ALPK2: variants seen among roughly 807,000 people sequenced by gnomAD.
ALPK2 encodes the protein alpha-protein kinase 2.
In ALPK2, 127 loss-of-function variants were observed where a neutral mutation model predicts 163.1. That is an observed-to-expected ratio of 0.78 (90% confidence interval 0.67 to 0.90). The LOEUF is 0.90. Ranked by LOEUF, ALPK2 falls within the 40% of genes least tolerant of loss-of-function variation. The pLI, the probability that ALPK2 is intolerant of heterozygous loss-of-function variation, is 0.00. For synonymous variants in ALPK2, 953 were observed against 959.1 expected (o/e 0.99, Z 0.12); for missense variants, 2,360 against 2,589.6 (o/e 0.91, Z 1.92).
At chr18:58,532,800 A>G (rs1287996957) in intron 5 of ALPK2, among the ~76,000 whole-genome samples, 1 of 152,146 alleles carries the variant, frequency 6.6e-6, no homozygotes, top group Non-Finnish European at 1.5e-5. Flanking sequence ...CCCCCATTTT[A>G]CAGGTGGGGA....
chr18:58,574,492 C>T (rs2144192264), intron 4 of ALPK2, among the ~76,000 whole-genome samples: 1 of 150,462 alleles, frequency 6.6e-6, no homozygotes, highest in Middle Eastern at 3.5e-3. Context: ...GGGTCCCCAA[C>T]CCCCAGCCCC....
chr18:58,575,257 G>A (rs1251427809), intron 4 of ALPK2, among the ~76,000 whole-genome samples: 3 of 151,960 alleles, frequency 2.0e-5, no homozygotes, highest in African/African-American at 7.3e-5. Context: ...ACTATACTTG[G>A]CATTTACTCT....
chr18:58,542,154 G>A (rs1179043497), intron 4 of ALPK2, among the ~76,000 whole-genome samples: 1 of 152,206 alleles, frequency 6.6e-6, no homozygotes, highest in African/African-American at 2.4e-5. Context: ...CTAGCAACCA[G>A]CGTTTGTAGC....
intron 4 of ALPK2, among the ~76,000 whole-genome samples, chr18:58,545,574 G>A (rs1358979279): frequency 6.6e-6 from 1 of 152,180 alleles, no homozygotes; most frequent in Non-Finnish European, 1.5e-5. Context: ...AAGGAGAGAG[G>A]CCACAGTTCT....
intron 3 of ALPK2, among the ~76,000 whole-genome samples, chr18:58,597,587 A>C (rs1485333488): frequency 2.0e-5 from 3 of 152,192 alleles, no homozygotes; most frequent in African/African-American, 7.2e-5. Flanking sequence ...TCTACTTATG[A>C]TACTTAGTGT....
chr18:58,566,690 G>T (rs1223359825), intron 4 of ALPK2: 3 of 152,276 alleles, frequency 2.0e-5, no homozygotes, highest in African/African-American at 7.2e-5. Context: ...ACCTGTTTTG[G>T]ATTAGTTACA....
At chr18:58,626,514 C>T (rs2052231584) in intron 1 of ALPK2, among the ~76,000 whole-genome samples, 2 of 151,748 alleles carry the variant, frequency 1.3e-5, no homozygotes, top group Admixed American at 1.3e-4. Flanking sequence ...GGGCGTGTGC[C>T]TTCATTTTCA....
At chr18:58,484,639 G>A (rs2051329296) in intron 12 of ALPK2, among the ~76,000 whole-genome samples, 1 of 152,172 alleles carries the variant, frequency 6.6e-6, no homozygotes, top group African/African-American at 2.4e-5. Context: ...AGCTACTCAG[G>A]AGGCTGAGAC....
At chr18:58,569,655 CTG>C (rs1470622642) in intron 4 of ALPK2, among the ~76,000 whole-genome samples, 2 of 152,158 alleles carry the variant, frequency 1.3e-5, no homozygotes, top group Non-Finnish European at 2.9e-5. Flanking sequence ...AGGATAATAA[CTG>C]TAGTAAGCCA....
rs61636682 is a variant in ALPK2 at position 58,611,820 on chromosome 18, G to GA, written c.-20-4dup. 0.077 allele frequency: 75,384 copies of GA among 980,314 alleles called. 64 individuals are homozygous for GA. The highest frequency in any genetic ancestry group is 0.088 in the South Asian group (4,736 of 53,554). The allele number at this position is 980,314 out of a possible 1,614,324, so 60.7% of individuals were successfully genotyped here. A position where few individuals can be genotyped will look rare whatever the true frequency, so the allele number is the denominator to read the frequency against. ...CATCCTTTCATGCCGCACCAAATCT[G>GA]AAAAAAAAAAAAATCCCCGACATCA... On this transcript the variant is annotated splice_region_variant and splice_polypyrimidine_tract_variant and intron_variant, in intron 1 of 12. Transcript: ENST00000361673.
At chr18:58,502,336 C>T (rs1303210724) in intron 11 of ALPK2, among the ~76,000 whole-genome samples, 1 of 151,964 alleles carries the variant, frequency 6.6e-6, no homozygotes, top group African/African-American at 2.4e-5. Context: ...GCCTGGGTGA[C>T]AGAGTGACAC....
chr18:58,495,357 C>T (rs2051396305), intron 12 of ALPK2, among the ~76,000 whole-genome samples: 1 of 152,180 alleles, frequency 6.6e-6, no homozygotes, highest in African/African-American at 2.4e-5. Context: ...CCAGCTCCTG[C>T]TCCCTGGCCT....
chr18:58,590,106 A>C lies in ALPK2; in HGVS notation c.228-9558T>G, dbSNP rs147946241. ...TGTGGTGGCACGTGCCTGTAATCCC[A>C]GCTACTTGGGAGGCTGAGGCAGGAG... On this transcript the variant is annotated intron_variant, in intron 3 of 12. Transcript: ENST00000361673. 6.1e-3 allele frequency among the ~76,000 whole-genome samples: 934 copies of C among 151,974 alleles called. 14 individuals carry two copies. Among genetic ancestry groups the C allele is most frequent in the African/African-American group, 0.021 (882 of 41,428 alleles).
intron 12 of ALPK2, among the ~76,000 whole-genome samples, chr18:58,494,371 A>G (rs1308333716): frequency 1.3e-5 from 2 of 152,214 alleles, no homozygotes; most frequent in Admixed American, 1.3e-4. Context: ...TACTCCTGTT[A>G]AAAGGAACAT....
intron 3 of ALPK2, among the ~76,000 whole-genome samples, chr18:58,605,909 T>A (rs2052095630): frequency 6.6e-6 from 1 of 152,204 alleles, no homozygotes; most frequent in African/African-American, 2.4e-5. Flanking sequence ...TTTACCTCCA[T>A]CTCTAGCGTT....
At chr18:58,539,070 C>A (rs1372218794) in intron 4 of ALPK2, among the ~76,000 whole-genome samples, 1 of 152,200 alleles carries the variant, frequency 6.6e-6, no homozygotes, top group East Asian at 1.9e-4. Context: ...ATAAACTACC[C>A]AATCTCAGGT....
At chr18:58,594,390 C>A (rs1236502340) in intron 3 of ALPK2, among the ~76,000 whole-genome samples, 1 of 152,190 alleles carries the variant, frequency 6.6e-6, no homozygotes, top group Admixed American at 6.5e-5. Context: ...AATTTCCACC[C>A]CCAGCACCTA....
At chr18:58,568,260 C>T (rs2051866877) in intron 4 of ALPK2, among the ~76,000 whole-genome samples, 1 of 152,096 alleles carries the variant, frequency 6.6e-6, no homozygotes, top group South Asian at 2.1e-4. Flanking sequence ...TGAAGAATAC[C>T]CATTGCCTCT....
chr18:58,522,002 C>A (rs1215021753), intron 8 of ALPK2, among the ~76,000 whole-genome samples: 1 of 152,170 alleles, frequency 6.6e-6, no homozygotes, highest in Non-Finnish European at 1.5e-5. Flanking sequence ...ATTTTGATTA[C>A]TTTTATTACC....
Sources: gnomAD v4.1 joint callset for allele counts (sites outside exome capture counted in the v4.1 genomes callset) on GRCh38, gnomAD v4.1.1 for gene constraint, MANE v1.5 for transcripts, NCBI Gene and HGNC (gene_info 2026-07-23, HGNC 2026-07-21) for gene names.